Variants in TRIP12 observed in about 807,000 individuals in gnomAD.
TRIP12 encodes thyroid hormone receptor interactor 12, also known as E3 ubiquitin-protein ligase TRIP12.
TRIP12 carries 25 observed loss-of-function variants against 244.2 expected under a neutral mutation model. The observed-to-expected ratio is 0.10, with a 90% CI of 0.07 to 0.14. The LOEUF is 0.14. Ranked by LOEUF, TRIP12 falls within the 10% of genes least tolerant of loss-of-function variation. The pLI, the probability that TRIP12 is intolerant of heterozygous loss-of-function variation, is 1.00. For missense variants in TRIP12, 1,677 were observed against 2,486.4 expected (o/e 0.67, Z 6.92); for synonymous variants, 905 against 873.1 (o/e 1.04, Z -0.64).
intron 9 of TRIP12, among the ~76,000 whole-genome samples, chr2:229,816,569 T>C (rs2048551593): frequency 6.6e-6 from 1 of 152,178 alleles, no homozygotes; most frequent in Admixed American, 6.5e-5. Flanking sequence ...TGATAAAAGA[T>C]ATATCTGAAG....
chr2:229,828,663 CA>C (rs1220310614), intron 8 of TRIP12, among the ~76,000 whole-genome samples: 1 of 151,956 alleles, frequency 6.6e-6, no homozygotes, highest in Non-Finnish European at 1.5e-5. Context: ...CCCAGCTACT[CA>C]GGAGGCTGAG....
chr2:229,825,173 A>G (rs996806464), intron 8 of TRIP12, among the ~76,000 whole-genome samples: 1 of 152,244 alleles, frequency 6.6e-6, no homozygotes, highest in African/African-American at 2.4e-5. Flanking sequence ...GATAAAGCAA[A>G]TGAGTCACTA....
chr2:229,829,111 A>G, intron 8 of TRIP12, 82 bp downstream of exon 8: 1 of 1,292,846 alleles, frequency 7.7e-7, no homozygotes, highest in Non-Finnish European at 1.1e-6. Context: ...AAACTTCTTA[A>G]TACTTACATC....
upstream of TRIP12, chr2:229,922,404 T>G (rs1406141723): frequency 2.9e-6 from 3 of 1,027,494 alleles, no homozygotes; most frequent in Admixed American, 6.3e-5. Flanking sequence ...TTAGAAATCC[T>G]TCTGCCAGCT....
intron 6 of TRIP12, 150 bp downstream of exon 6, chr2:229,836,698 T>C: frequency 3.0e-6 from 3 of 987,472 alleles, no homozygotes; most frequent in Non-Finnish European, 4.1e-6. Flanking sequence ...GGCAACCAAA[T>C]CCAACTAATC....
chr2:229,785,911 T>C (rs1285845709), intron 33 of TRIP12, 56 bp from the exon 34 acceptor site: 2 of 1,461,166 alleles, frequency 1.4e-6, no homozygotes, highest in Admixed American at 4.5e-5. Flanking sequence ...TACACTTTAA[T>C]AAACAGGTGG....
chr2:229,777,168 T>C (rs765987760), intron 37 of TRIP12, 147 bp downstream of exon 37: 6 of 834,926 alleles, frequency 7.2e-6, no homozygotes, highest in Non-Finnish European at 5.3e-6. Flanking sequence ...TGTGAAATCA[T>C]ATGTCTTAGT....
At chr2:229,819,085 C>CACACACACA (rs1553640456) in intron 8 of TRIP12, among the ~76,000 whole-genome samples, 1 of 109,694 alleles carries the variant, frequency 9.1e-6, no homozygotes, top group South Asian at 3.3e-4. Context: ...CACACACACA[C>CACACACACA]AATTATAAAC....
At chr2:229,795,400 T>C (rs374828142) in intron 25 of TRIP12, 70 bp from the exon 26 acceptor site, 3 of 1,510,194 alleles carry the variant, frequency 2.0e-6, no homozygotes, top group Non-Finnish European at 2.7e-6. Context: ...AAAGAGAAGA[T>C]TTAATAAGCA....
chr2:229,811,211 T>A lies in TRIP12; in HGVS notation c.1987-7A>T. The A allele has an allele frequency of 6.2e-7, 1 of 1,611,388 alleles. No individual in the cohort carries two copies. The highest frequency in any genetic ancestry group is 8.5e-7 in the Non-Finnish European group (1 of 1,178,618). On this transcript the variant is annotated splice_polypyrimidine_tract_variant and splice_region_variant and intron_variant, in intron 13 of 41. Coordinates refer to ENST00000675903, the MANE Select transcript of TRIP12 (RefSeq NM_001348323.3). ...TTTCTACTGACTTTTTATCCTATTT[T>A]TTTAATAAAGGAAAATAAAATTTAT...
At chr2:229,836,400 T>C (rs1258559991) in intron 6 of TRIP12, among the ~76,000 whole-genome samples, 1 of 152,188 alleles carries the variant, frequency 6.6e-6, no homozygotes, top group African/African-American at 2.4e-5. Flanking sequence ...GCTTCTAATA[T>C]ATCAAGAATA....
intron 30 of TRIP12, 131 bp from the exon 31 acceptor site, chr2:229,789,893 G>A (rs1440212760): frequency 1.1e-6 from 1 of 932,254 alleles, no homozygotes; most frequent in East Asian, 2.5e-5. Context: ...TATTAGTAGG[G>A]TATTGATAAG....
chr2:229,802,512 T>G (rs758622631), intron 20 of TRIP12, 53 bp from the exon 21 acceptor site: 7 of 1,337,034 alleles, frequency 5.2e-6, no homozygotes, highest in African/African-American at 4.4e-5. Flanking sequence ...AGTAGAACCT[T>G]CTCCCCACCA....
chr2:229,805,105 C>A lies in TRIP12; in HGVS notation c.2650+625G>T, dbSNP rs139390137. Among the ~76,000 whole-genome samples, 1,295 of 152,124 alleles carry A rather than the reference C, an allele frequency of 8.5e-3. 42 individuals are homozygous for A. Among genetic ancestry groups the A allele is most frequent in the Admixed American group, 0.058 (889 of 15,260 alleles). ...TATTTTTAGTAGAGATAGGGTTTCA[C>A]CGTGTTAGCCAGGATGGTCTCCATC... is the stretch of plus-strand genomic sequence containing the variant. On this transcript the variant is annotated intron_variant, in intron 18 of 41. Coordinates refer to ENST00000675903, the MANE Select transcript of TRIP12 (RefSeq NM_001348323.3).
At chr2:229,785,341 T>C (rs938673077) in intron 34 of TRIP12, among the ~76,000 whole-genome samples, 27 of 152,240 alleles carry the variant, frequency 1.8e-4, no homozygotes, top group African/African-American at 5.8e-4. Flanking sequence ...CTTTTTGTGG[T>C]GATCAGAGTA....
intron 37 of TRIP12, 78 bp downstream of exon 37, chr2:229,777,237 A>T: frequency 1.4e-6 from 2 of 1,459,464 alleles, no homozygotes; most frequent in Non-Finnish European, 1.9e-6. Flanking sequence ...CAACTGAGTC[A>T]AATACAAACT....
At chr2:229,803,394 G>C (rs958606442) in intron 20 of TRIP12, among the ~76,000 whole-genome samples, 177 bp downstream of exon 20, 1 of 152,210 alleles carries the variant, frequency 6.6e-6, no homozygotes, top group African/African-American at 2.4e-5. Flanking sequence ...GGTTACAGGC[G>C]TGAGCCACCA....
intron 8 of TRIP12, among the ~76,000 whole-genome samples, chr2:229,827,478 A>AT (rs953541544): frequency 2.0e-5 from 3 of 151,826 alleles, no homozygotes; most frequent in Non-Finnish European, 2.9e-5. Flanking sequence ...TATTATTATT[A>AT]TTTTTTTGGT....
chr2:229,883,113 C>A lies in TRIP12; in HGVS notation c.-49-2985G>T, dbSNP rs190191959. ...ATAAAACCAGAGGGCTGGAAGGGAC[C>A]CTCGGAGATGATCAAGTTCAACCCC... is the stretch of plus-strand genomic sequence containing the variant. On this transcript the variant is annotated intron_variant, in intron 1 of 41. Coordinates refer to ENST00000675903, the MANE Select transcript of TRIP12 (RefSeq NM_001348323.3). Among the ~76,000 whole-genome samples the A allele has an allele frequency of 2.9e-3, 447 of 152,270 alleles. 2 individuals are homozygous for A. The highest frequency in any genetic ancestry group is 0.01 in the African/African-American group (427 of 41,552).
Sources: gnomAD v4.1 joint callset for allele counts (sites outside exome capture counted in the v4.1 genomes callset) on GRCh38, gnomAD v4.1.1 for gene constraint, MANE v1.5 for transcripts, NCBI Gene and HGNC (gene_info 2026-07-23, HGNC 2026-07-21) for gene names.